The following SUPT3H variants were observed in gnomAD, a reference collection of about 807,000 sequenced individuals.
SUPT3H encodes transcription initiation protein SPT3 homolog.
In SUPT3H, 44 loss-of-function variants were observed where a neutral mutation model predicts 44.3. The ratio of observed to expected loss-of-function variants is 0.99; its 90% CI spans 0.78 to 1.28. The LOEUF (loss-of-function observed/expected upper bound fraction) is 1.28, where lower values mean the gene tolerates loss of function less well. Among genes scored for constraint, SUPT3H ranks in the 50% most tolerant of loss-of-function variants. The probability of loss-of-function intolerance (pLI) is 0.00; values close to 1 mark genes in which losing one functional copy is unlikely to be tolerated. For missense variants in SUPT3H, 380 were observed against 387.1 expected (o/e 0.98, Z 0.15); for synonymous variants, 124 against 125.6 (o/e 0.99, Z 0.09).
At chr6:44,914,996 C>T (rs1001584524) in intron 10 of SUPT3H, among the ~76,000 whole-genome samples, 1 of 152,162 alleles carries the variant, frequency 6.6e-6, no homozygotes, top group African/African-American at 2.4e-5. Context: ...ACTCTTACTA[C>T]CATGCCCTGT....
At chr6:44,985,188 T>TAAAA in intron 6 of SUPT3H, among the ~76,000 whole-genome samples, 1 of 58,250 alleles carries the variant, frequency 1.7e-5, no homozygotes, top group Non-Finnish European at 3.2e-5. Context: ...AATAAATAAA[T>TAAAA]AAATAAATAA....
At chr6:44,909,733 G>A (rs1766712043) in intron 10 of SUPT3H, among the ~76,000 whole-genome samples, 1 of 152,090 alleles carries the variant, frequency 6.6e-6, no homozygotes, top group Non-Finnish European at 1.5e-5. Context: ...TGTAGGTAAG[G>A]GCTCTGACAC....
chr6:44,891,842 CA>C (rs1203872954), intron 10 of SUPT3H, among the ~76,000 whole-genome samples: 34 of 141,720 alleles, frequency 2.4e-4, no homozygotes, highest in African/African-American at 5.2e-4. Flanking sequence ...GATTAGTGAC[CA>C]AAAAAAAAAG....
intron 2 of SUPT3H, among the ~76,000 whole-genome samples, chr6:45,123,375 T>C (rs1801950076): frequency 7.8e-6 from 1 of 128,654 alleles, no homozygotes; most frequent in South Asian, 2.6e-4. Flanking sequence ...CATTTATTTC[T>C]TTTTTTTTTT....
rs567742552 is a variant in SUPT3H at position 44,853,471 on chromosome 6, G to A, written c.913-23614C>T. 1.1e-3 allele frequency among the ~76,000 whole-genome samples: 172 copies of A among 152,202 alleles called. 1 individual carries two copies. Among genetic ancestry groups the A allele is most frequent in the African/African-American group, 4.0e-3 (164 of 41,512 alleles). ...GCCCAGAAGTTCCAGACCAGTCTGGGCAACATAGTGGGAAACCAACTCTAT... is the reference window on the plus strand; with the variant it reads ...GCCCAGAAGTTCCAGACCAGTCTGGACAACATAGTGGGAAACCAACTCTAT... On this transcript the variant is annotated intron_variant, in intron 10 of 10. Coordinates refer to ENST00000371459, the MANE Select transcript of SUPT3H (RefSeq NM_003599.4).
intron 3 of SUPT3H, among the ~76,000 whole-genome samples, chr6:45,086,654 CT>C (rs1340572237): frequency 1.3e-5 from 2 of 151,894 alleles, no homozygotes; most frequent in African/African-American, 2.4e-5. Flanking sequence ...ATCTCTAAAA[CT>C]CTAGGCTTCT....
chr6:45,235,419 T>C (rs1443028632), intron 2 of SUPT3H, among the ~76,000 whole-genome samples: 2 of 152,270 alleles, frequency 1.3e-5, no homozygotes, highest in East Asian at 3.9e-4. Context: ...TTGTAGATTC[T>C]AATATAAATA....
At chr6:44,829,953 A>G (rs976649150) in intron 10 of SUPT3H, 96 bp from the exon 11 acceptor site, 1 of 1,094,622 alleles carries the variant, frequency 9.1e-7, no homozygotes, top group Non-Finnish European at 1.4e-6. Context: ...TGTTTTGTAG[A>G]CTCTGCTGGC....
chr6:45,117,618 T>A (rs1801027969), intron 2 of SUPT3H, among the ~76,000 whole-genome samples: 2 of 152,194 alleles, frequency 1.3e-5, no homozygotes, highest in South Asian at 2.1e-4. Context: ...TGGCAATAAT[T>A]AATACCACTA....
At chr6:45,208,301 A>G (rs1763522762) in intron 2 of SUPT3H, among the ~76,000 whole-genome samples, 2 of 152,226 alleles carry the variant, frequency 1.3e-5, no homozygotes, top group African/African-American at 4.8e-5. Flanking sequence ...ATGTTGGTTC[A>G]TGAGGCTTAA....
chr6:44,872,373 C>A (rs1478867373), intron 10 of SUPT3H, among the ~76,000 whole-genome samples: 5 of 95,996 alleles, frequency 5.2e-5, no homozygotes, highest in East Asian at 7.2e-4. Flanking sequence ...AATTTTCAAC[C>A]CAGAATTTCA....
chr6:45,147,370 C>A (rs1308175588), intron 2 of SUPT3H, among the ~76,000 whole-genome samples: 4 of 152,062 alleles, frequency 2.6e-5, no homozygotes, highest in Non-Finnish European at 5.9e-5. Flanking sequence ...TTTGACCTAC[C>A]TTTTCTTCAT....
intron 2 of SUPT3H, among the ~76,000 whole-genome samples, chr6:45,257,624 C>T (rs985884415): frequency 2.0e-5 from 3 of 152,240 alleles, no homozygotes; most frequent in South Asian, 2.1e-4. Flanking sequence ...TTTATTGTCT[C>T]ACAGTTCTGG....
intron 2 of SUPT3H, among the ~76,000 whole-genome samples, chr6:45,344,711 A>T (rs1790495954): frequency 6.6e-6 from 1 of 152,178 alleles, no homozygotes; most frequent in African/African-American, 2.4e-5. Context: ...TTGGCTAGGA[A>T]AGCCTAGAGA....
chr6:44,970,327 T>A (rs1777392843), intron 6 of SUPT3H, among the ~76,000 whole-genome samples: 1 of 152,176 alleles, frequency 6.6e-6, no homozygotes, highest in South Asian at 2.1e-4. Flanking sequence ...AAATGTGTGT[T>A]AAGAAAAGTA....
intron 2 of SUPT3H, among the ~76,000 whole-genome samples, chr6:45,256,826 T>C (rs1311412704): frequency 3.9e-5 from 6 of 152,230 alleles, no homozygotes; most frequent in African/African-American, 7.2e-5. Flanking sequence ...ATTTTGCTTA[T>C]CCACTCACGC....
chr6:44,963,324 C>G (rs1776317202), intron 6 of SUPT3H, among the ~76,000 whole-genome samples: 1 of 152,030 alleles, frequency 6.6e-6, no homozygotes, highest in Non-Finnish European at 1.5e-5. Flanking sequence ...ATGGCAAAAC[C>G]CTGTCTCTAC....
intron 9 of SUPT3H, among the ~76,000 whole-genome samples, chr6:44,948,891 C>G (rs547292070): frequency 3.4e-4 from 52 of 152,240 alleles, no homozygotes; most frequent in African/African-American, 1.2e-3. Context: ...CCATTACTGG[C>G]TATATACCCA....
intron 2 of SUPT3H, among the ~76,000 whole-genome samples, chr6:45,151,865 C>T (rs1463762558): frequency 1.3e-5 from 2 of 152,136 alleles, no homozygotes; most frequent in African/African-American, 4.8e-5. Context: ...CATTTGGTTG[C>T]TGGGACACCA....
Sources: gnomAD v4.1 joint callset for allele counts (sites outside exome capture counted in the v4.1 genomes callset) on GRCh38, gnomAD v4.1.1 for gene constraint, MANE v1.5 for transcripts, NCBI Gene and HGNC (gene_info 2026-07-23, HGNC 2026-07-21) for gene names.